Variants in GPC6 observed in about 807,000 individuals in gnomAD.
The protein encoded by GPC6 is glypican 6, also known as glypican-6.
Under a neutral mutation model 55.2 loss-of-function variants are expected in GPC6, and 14 were observed. That is an observed-to-expected ratio of 0.25 (90% CI 0.17 to 0.40). GPC6 has a LOEUF of 0.40. Among genes scored for constraint, GPC6 ranks in the 10% least tolerant of loss-of-function variants. The probability of loss-of-function intolerance (pLI) is 1.00; values close to 1 mark genes in which losing one functional copy is unlikely to be tolerated. For missense variants in GPC6, 641 were observed against 708.5 expected (o/e 0.90, Z 1.08); for synonymous variants, 278 against 259.6 (o/e 1.07, Z -0.68).
intron 1 of GPC6, among the ~76,000 whole-genome samples, chr13:93,262,542 A>T (rs1022325321): frequency 2.0e-5 from 3 of 152,228 alleles, no homozygotes; most frequent in Non-Finnish European, 4.4e-5. Context: ...TTTAGAGGCT[A>T]TTCTTATAGG....
chr13:93,227,361 A>G lies in GPC6; in HGVS notation c.-96A>G. 1 of 1,245,494 alleles carries G rather than the reference A, an allele frequency of 8.0e-7. No homozygotes were observed. The allele number at this position is 1,245,494 out of a possible 1,614,324, so 77.2% of individuals were successfully genotyped here. A position where few individuals can be genotyped will look rare whatever the true frequency, so the allele number is the denominator to read the frequency against. On this transcript the variant is annotated 5_prime_UTR_variant, in exon 1 of 9. Transcript: ENST00000377047. This position sits in a 1 kb window ranked among gnomAD's most constrained non-coding sequence, Gnocchi z 4.3. ...GGGGTGACGCTGGGCAGCGGCGAGG[A>G]GCGCGCCGCTGCCTCTGGCGGGCTT... is the stretch of plus-strand genomic sequence containing the variant.
At chr13:93,643,411 T>G (rs1179410243) in intron 2 of GPC6, among the ~76,000 whole-genome samples, 1 of 152,040 alleles carries the variant, frequency 6.6e-6, no homozygotes, top group African/African-American at 2.4e-5. Context: ...AGCACAGATA[T>G]TTTTACAAGT....
chr13:94,348,442 C>T (rs1878388766), intron 6 of GPC6, among the ~76,000 whole-genome samples: 1 of 152,300 alleles, frequency 6.6e-6, no homozygotes, highest in South Asian at 2.1e-4. Flanking sequence ...AGGTGAGGAC[C>T]GAGATTTTGC....
intron 1 of GPC6, among the ~76,000 whole-genome samples, chr13:93,544,903 A>G (rs992434635): frequency 6.6e-6 from 1 of 152,114 alleles, no homozygotes; most frequent in Non-Finnish European, 1.5e-5. Context: ...GCCTTACTTG[A>G]GGTTTCCCGA....
chr13:93,498,775 C>T (rs1353593859), intron 1 of GPC6, among the ~76,000 whole-genome samples: 2 of 152,020 alleles, frequency 1.3e-5, no homozygotes, highest in East Asian at 3.9e-4. Flanking sequence ...ATATATTGTC[C>T]CATTTGTAAA....
chr13:93,981,660 C>CT (rs1880808428), intron 3 of GPC6, among the ~76,000 whole-genome samples: 1 of 152,090 alleles, frequency 6.6e-6, no homozygotes, highest in Non-Finnish European at 1.5e-5. Context: ...CCAACCTAAG[C>CT]TTTTTTCTTT....
intron 3 of GPC6, among the ~76,000 whole-genome samples, chr13:93,898,966 T>TATATATACAC (rs1251225383): frequency 7.3e-6 from 1 of 137,094 alleles, no homozygotes; most frequent in Non-Finnish European, 1.6e-5. Context: ...TATATATATA[T>TATATATACAC]ACACACACAT....
chr13:93,428,010 G>C (rs1388706973), intron 1 of GPC6, among the ~76,000 whole-genome samples: 1 of 152,008 alleles, frequency 6.6e-6, no homozygotes, highest in Non-Finnish European at 1.5e-5. Context: ...TTCAGTACTA[G>C]TATTCTGCTG....
chr13:94,128,757 G>A (rs548585271), intron 4 of GPC6, among the ~76,000 whole-genome samples: 1 of 152,232 alleles, frequency 6.6e-6, no homozygotes, highest in Admixed American at 6.5e-5. Flanking sequence ...ACAGCATTGT[G>A]AGCCTCCTAA....
At chr13:93,217,446 G>T in the GPC6 span, among the ~76,000 whole-genome samples, 1 of 152,122 alleles carries the variant, frequency 6.6e-6, no homozygotes. Context: ...TGATCACTAT[G>T]TTTTCGAGTG....
At chr13:93,314,790 A>T (rs1879192778) in intron 1 of GPC6, among the ~76,000 whole-genome samples, 3 of 151,392 alleles carry the variant, frequency 2.0e-5, no homozygotes. Context: ...GAGATTGGTT[A>T]TGATGTTATA....
In GPC6 at chr13:93,704,486, A is replaced by C. The variant is rs1016729739; in HGVS notation, c.320-125668A>C. On this transcript the variant is annotated intron_variant, in intron 2 of 8. Coordinates refer to ENST00000377047, the MANE Select transcript of GPC6 (RefSeq NM_005708.5). ...CTTCATTTTTCACCTTTTTAAAAAT[A>C]TTACATATACTTATATTTTAATATT... 2.0e-5 allele frequency among the ~76,000 whole-genome samples: 3 copies of C among 151,764 alleles called. No homozygotes were observed. The East Asian group carries it at 5.8e-4, about 29-fold the overall frequency.
rs560217006 is a variant in GPC6 at position 93,308,409 on chromosome 13, G to A, written c.160+80793G>A. 3.3e-5 allele frequency among the ~76,000 whole-genome samples: 5 copies of A among 152,284 alleles called. No homozygotes were observed. The South Asian group carries it at 1.0e-3, about 32-fold the overall frequency. The stretch of plus-strand genomic sequence containing the variant: ...TCCTCTGACACTGGCTGAAATTGTT[G>A]AACCAAATTTAAATAATTGGATCTA... On this transcript the variant is annotated intron_variant, in intron 1 of 8. Transcript: ENST00000377047.
chr13:94,261,095 G>A (rs935516378), intron 4 of GPC6, among the ~76,000 whole-genome samples: 2 of 152,014 alleles, frequency 1.3e-5, no homozygotes, highest in Admixed American at 1.3e-4. Context: ...CCTACATGGT[G>A]AAACCCCATG....
At chr13:94,353,561 C>T (rs568694531) in intron 6 of GPC6, among the ~76,000 whole-genome samples, 2 of 151,224 alleles carry the variant, frequency 1.3e-5, no homozygotes, top group African/African-American at 2.4e-5. Flanking sequence ...GAGTGAAAGT[C>T]GTGTGCGAGG....
intron 3 of GPC6, among the ~76,000 whole-genome samples, chr13:93,840,689 T>C (rs1422080938): frequency 6.6e-6 from 1 of 152,108 alleles, no homozygotes; most frequent in East Asian, 1.9e-4. Context: ...CTCATTATGA[T>C]TGGCATGTCT....
At chr13:93,893,924 C>T (rs1875841663) in intron 3 of GPC6, among the ~76,000 whole-genome samples, 1 of 152,174 alleles carries the variant, frequency 6.6e-6, no homozygotes, top group Admixed American at 6.6e-5. Flanking sequence ...TCCAAGGCCT[C>T]TCACCTTTTC....
Position 93,600,032 on chromosome 13 carries a change from G to A in GPC6, c.319+54611G>A, listed in dbSNP as rs1877942662. 2.0e-5 allele frequency among the ~76,000 whole-genome samples: 3 copies of A among 152,132 alleles called. No homozygotes were observed. In the South Asian group the frequency reaches 6.2e-4, roughly 32 times the overall value. On this transcript the variant is annotated intron_variant, in intron 2 of 8. Transcript: ENST00000377047. ...TTAGAAGATTGAACTTCCAGGGATA[G>A]GTTGTTTGAGAGAATCACCAAAAGC...
At chr13:94,167,008 G>A (rs1328038989) in intron 4 of GPC6, among the ~76,000 whole-genome samples, 1 of 152,208 alleles carries the variant, frequency 6.6e-6, no homozygotes, top group East Asian at 1.9e-4. Context: ...CCATTTGGAA[G>A]TTGCTATCTA....
Sources: allele counts gnomAD v4.1 joint callset (sites outside exome capture counted in the v4.1 genomes callset), GRCh38; gene constraint gnomAD v4.1.1; non-coding constraint Gnocchi (gnomAD v3.1); transcripts MANE v1.5; gene names NCBI Gene and HGNC (gene_info 2026-07-23, HGNC 2026-07-21).